The following HMCN2 variants were observed in gnomAD, a reference collection of about 807,000 sequenced individuals.
HMCN2 encodes hemicentin-2.
In HMCN2, 325 loss-of-function variants were observed where a neutral mutation model predicts 377.5. That is an observed-to-expected ratio of 0.86 (90% CI 0.79 to 0.94). The LOEUF is 0.94. Among genes scored for constraint, HMCN2 ranks in the 40% least tolerant of loss-of-function variants. The pLI is 0.00. For synonymous variants in HMCN2, 2,007 were observed against 2,046.8 expected (o/e 0.98, Z 0.53); for missense variants, 4,543 against 4,725.3 (o/e 0.96, Z 1.13).
rs1476838787 is a variant in HMCN2, at chr9:130,313,053, CAG to C, written c.2350+2995_2350+2996del. ...TGACCTTGGAGCCATGTCCCTGTGG[CAG>C]AGTTTCTTTCTGGGCCACTGGTGGC... is the stretch of plus-strand genomic sequence containing the variant. On this transcript the variant is annotated intron_variant, in intron 15 of 97. Coordinates refer to ENST00000683500, the MANE Select transcript of HMCN2 (RefSeq NM_001291815.2). Among the ~76,000 whole-genome samples the C allele has an allele frequency of 1.0e-3, 152 of 152,292 alleles. 1 individual carries two copies. The highest frequency in any genetic ancestry group is 1.9e-3 in the Non-Finnish European group (131 of 68,022).
At position 130,374,568 on chromosome 9, in the gene HMCN2, A is replaced by G; in HGVS notation, c.7505A>G (p.His2502Arg). ...CCTCTGGCTAGGGGAGATGCTCACCACATCTCCCCAGACGGAGTCCTCCTG... is the reference window on the plus strand; with the variant it reads ...CCTCTGGCTAGGGGAGATGCTCACCGCATCTCCCCAGACGGAGTCCTCCTG... ...GRPLARGDAHHISPDGVLLQV... is the reference protein window; with the variant it reads ...GRPLARGDAHRISPDGVLLQV... Residue 2502 changes from histidine to arginine, a missense_variant, in exon 49 of 98, where the codon CAC becomes CGC. Around this residue, in one of 5 missense-constraint regions of HMCN2, gnomAD observed 736 missense variants for 773.2 expected, o/e 0.95. Coordinates refer to ENST00000683500, the MANE Select transcript of HMCN2 (RefSeq NM_001291815.2). 3 of 985,598 alleles carry G rather than the reference A, an allele frequency of 3.0e-6. No individual in the cohort carries two copies. The highest frequency in any genetic ancestry group is 3.6e-6 in the Non-Finnish European group (3 of 829,794). 61.1% of individuals were successfully genotyped at this position (985,598 alleles called of 1,614,324 possible).
intron 1 of HMCN2, among the ~76,000 whole-genome samples, chr9:130,269,600 CA>C (rs1387345171): frequency 3.4e-5 from 5 of 148,244 alleles, no homozygotes; most frequent in African/African-American, 1.2e-4. Context: ...TTTTCTAATT[CA>C]AAAATGGAAA....
At chr9:130,310,389 C>T (rs1363233460) in intron 15 of HMCN2, among the ~76,000 whole-genome samples, 4 of 152,222 alleles carry the variant, frequency 2.6e-5, no homozygotes, top group Admixed American at 6.5e-5. Flanking sequence ...TGGCTAGGGC[C>T]GCAGTCATCT....
chr9:130,284,698 C>T (rs1554926967), intron 2 of HMCN2, 25 bp downstream of exon 2: 1 of 470,794 alleles, frequency 2.1e-6, no homozygotes, highest in African/African-American at 2.0e-5. Flanking sequence ...ACCCTCTGTC[C>T]CACTCTTTCC....
intron 66 of HMCN2, among the ~76,000 whole-genome samples, chr9:130,392,731 C>T (rs544097085): frequency 4.2e-5 from 6 of 144,230 alleles, no homozygotes; most frequent in South Asian, 2.1e-4. Context: ...GGTGCGGTGG[C>T]TCACGCCTGT....
chr9:130,348,644 C>G lies in HMCN2; in HGVS notation c.4124C>G (p.Pro1375Arg), dbSNP rs994209796. 7.7e-7 allele frequency: 1 copy of G among 1,301,314 alleles called. No individual in the cohort carries two copies. The highest frequency in any genetic ancestry group is 1.0e-6 in the Non-Finnish European group (1 of 988,294). 80.6% of individuals were successfully genotyped at this position (1,301,314 alleles called of 1,614,324 possible). A position where few individuals can be genotyped will look rare whatever the true frequency, so the allele number is the denominator to read the frequency against. Residue 1375 changes from proline to arginine, a missense_variant, in exon 27 of 98, where the codon CCT becomes CGT. By Grantham distance (103) the Pro-to-Arg change is moderately radical. This residue lies in a region of HMCN2 where 1,032 missense variants were observed against 1,285.1 expected (regional missense o/e 0.80). Coordinates refer to ENST00000683500, the MANE Select transcript of HMCN2 (RefSeq NM_001291815.2). ...TGTGACGCGAACGGCTTTCCAGTCCCTGAGATCGTGTGGCTGAAGGACGCG... is the reference window on the plus strand; with the variant it reads ...TGTGACGCGAACGGCTTTCCAGTCCGTGAGATCGTGTGGCTGAAGGACGCG... ...LECDANGFPVPEIVWLKDAQL... is the reference protein window; with the variant it reads ...LECDANGFPVREIVWLKDAQL...
chr9:130,357,216 A>T (rs1002901688), intron 34 of HMCN2, among the ~76,000 whole-genome samples: 11 of 77,812 alleles, frequency 1.4e-4, no homozygotes, highest in Non-Finnish European at 2.7e-4. Flanking sequence ...AAGGGCGGGT[A>T]GATGGATGAA....
intron 15 of HMCN2, among the ~76,000 whole-genome samples, chr9:130,311,951 A>G (rs1407267231): frequency 6.6e-6 from 1 of 152,142 alleles, no homozygotes; most frequent in Non-Finnish European, 1.5e-5. Context: ...GGAGCCTGAT[A>G]AGGACAGCCA....
At chr9:130,343,567 A>G (rs1208409918) in intron 25 of HMCN2, among the ~76,000 whole-genome samples, 2 of 151,832 alleles carry the variant, frequency 1.3e-5, no homozygotes, top group African/African-American at 2.4e-5. Context: ...GCCCTTGACT[A>G]TGGCGCCACC....
At chr9:130,340,354 C>T (rs1415189742) in intron 23 of HMCN2, among the ~76,000 whole-genome samples, 1 of 152,212 alleles carries the variant, frequency 6.6e-6, no homozygotes, top group Non-Finnish European at 1.5e-5. Flanking sequence ...TGAGGGGGAA[C>T]TGAGGCTCTG....
At chr9:130,271,523 C>A (rs531043630) in intron 1 of HMCN2, among the ~76,000 whole-genome samples, 1 of 149,230 alleles carries the variant, frequency 6.7e-6, no homozygotes, top group Non-Finnish European at 1.5e-5. Context: ...CTGTGGTCAT[C>A]GGGAGCTCGT....
Position 130,418,755 on chromosome 9 carries a change from A to C in HMCN2, c.12962-17A>C, listed in dbSNP as rs901071494. The C allele has an allele frequency of 1.4e-5, 19 of 1,394,834 alleles. No homozygotes were observed. The African/African-American group carries it at 2.5e-4, about 18-fold the overall frequency. The allele number at this position is 1,394,834 out of a possible 1,614,324, so 86.4% of individuals were successfully genotyped here. On this transcript the variant is annotated splice_polypyrimidine_tract_variant and intron_variant, in intron 85 of 97. Transcript: ENST00000683500. ...AAATAATTAAATGTTCCTAAAAGCC[A>C]CCTGGGCCTCCCACAGGTGCTCCGG... is the stretch of plus-strand genomic sequence containing the variant.
intron 19 of HMCN2, among the ~76,000 whole-genome samples, chr9:130,322,302 C>G (rs1321007444): frequency 2.0e-5 from 3 of 150,690 alleles, no homozygotes; most frequent in Non-Finnish European, 2.9e-5. Context: ...TAAAAATTAT[C>G]TATCATCTAT....
chr9:130,348,939 G>A (rs1194750405), intron 27 of HMCN2, 45 bp from the exon 28 acceptor site: 5 of 1,288,642 alleles, frequency 3.9e-6, no homozygotes, highest in Non-Finnish European at 5.1e-6. Context: ...TGGGGGTGGT[G>A]GCTGGATCCC....
At chr9:130,307,003 C>A in intron 13 of HMCN2, 65 bp downstream of exon 13, 1 of 421,676 alleles carries the variant, frequency 2.4e-6, no homozygotes, top group Admixed American at 2.6e-5. Context: ...TCCCTCCCTC[C>A]CATCCATCAG....
intron 22 of HMCN2, among the ~76,000 whole-genome samples, chr9:130,335,714 G>A (rs1438343555): frequency 2.0e-5 from 3 of 152,214 alleles, no homozygotes; most frequent in Admixed American, 1.3e-4. Flanking sequence ...GGGAGATGGC[G>A]TCCTTGGCTC....
Position 130,422,633 on chromosome 9 carries a change from G to A in HMCN2, c.13288G>A (p.Gly4430Ser). 2 of 1,329,628 alleles carry A rather than the reference G, an allele frequency of 1.5e-6. No individual in the cohort carries two copies. Among genetic ancestry groups the A allele is most frequent in the South Asian group, 4.4e-5 (2 of 45,656 alleles). 82.4% of individuals were successfully genotyped at this position (1,329,628 alleles called of 1,614,324 possible). The change falls in exon 87 of 98, where the codon GGC becomes AGC. Residue 4430 changes from glycine (G) to serine (S), a missense_variant. Gly to Ser is a moderately conservative substitution (Grantham distance 56). Coordinates refer to ENST00000683500, the MANE Select transcript of HMCN2 (RefSeq NM_001291815.2). The surrounding 1 kb of genome is among the most constrained non-coding windows in gnomAD (Gnocchi z 4.2). The part of the protein sequence containing the change: ...MTGVINGRKF[G>S]VATLNTSVMQ... ...TGGGGTGATAAATGGCCGGAAATTT[G>A]GCGTGGCCACACTCAACACCAGCGT...
chr9:130,344,699 T>A (rs1378798373), intron 25 of HMCN2, among the ~76,000 whole-genome samples: 1 of 150,396 alleles, frequency 6.6e-6, no homozygotes, highest in Non-Finnish European at 1.5e-5. Context: ...GTAGTGTGTG[T>A]GTATGATGTG....
chr9:130,329,044 T>C (rs983773548), intron 22 of HMCN2, among the ~76,000 whole-genome samples: 1 of 152,134 alleles, frequency 6.6e-6, no homozygotes, highest in Non-Finnish European at 1.5e-5. Flanking sequence ...AAGGACACAG[T>C]TCAGTGTTTT....
Sources: gnomAD v4.1 joint callset for allele counts (sites outside exome capture counted in the v4.1 genomes callset) on GRCh38, gnomAD v4.1.1 for gene constraint, gnomAD v4.1.1 regional missense constraint, Gnocchi (gnomAD v3.1) non-coding constraint, MANE v1.5 for transcripts, NCBI Gene and HGNC (gene_info 2026-07-23, HGNC 2026-07-21) for gene names.